RORB: variants seen among roughly 807,000 people sequenced by gnomAD.
The protein encoded by RORB is RAR related orphan receptor B, also known as nuclear receptor ROR-beta.
RORB carries 6 observed loss-of-function variants against 59.1 expected under a neutral mutation model. The ratio of observed to expected loss-of-function variants is 0.10; its 90% CI spans 0.06 to 0.20. The LOEUF (loss-of-function observed/expected upper bound fraction) is 0.20. Among genes scored for constraint, RORB ranks in the 10% least tolerant of loss-of-function variants. RORB has a pLI of 1.00. For missense variants in RORB, 320 were observed against 560.5 expected (o/e 0.57, Z 4.33); for synonymous variants, 215 against 204.5 (o/e 1.05, Z -0.44).
intron 1 of RORB, among the ~76,000 whole-genome samples, chr9:74,575,790 A>G (rs1374948130): frequency 6.6e-6 from 1 of 152,138 alleles, no homozygotes; most frequent in African/African-American, 2.4e-5. Flanking sequence ...GTCTCCTTAT[A>G]CAGTGGTACA....
intron 9 of RORB, among the ~76,000 whole-genome samples, chr9:74,681,511 C>T (rs1412588552): frequency 2.0e-5 from 3 of 152,198 alleles, no homozygotes; most frequent in East Asian, 3.9e-4. Flanking sequence ...TTTGCTGAAG[C>T]GATCTGAGTG....
intron 6 of RORB, among the ~76,000 whole-genome samples, chr9:74,663,065 C>T (rs1824215132): frequency 1.3e-5 from 2 of 152,188 alleles, no homozygotes; most frequent in Non-Finnish European, 2.9e-5. Flanking sequence ...TCTTTCCCTA[C>T]CCTTCCCTAA....
intron 1 of RORB, among the ~76,000 whole-genome samples, chr9:74,584,743 T>C (rs945655016): frequency 1.3e-5 from 2 of 152,148 alleles, no homozygotes; most frequent in African/African-American, 4.8e-5. Flanking sequence ...AATACATCAT[T>C]GGTAATGGAG....
chr9:74,624,623 G>T (rs977964992), intron 1 of RORB, among the ~76,000 whole-genome samples: 8 of 152,148 alleles, frequency 5.3e-5, no homozygotes, highest in Non-Finnish European at 1.2e-4. Context: ...CAGACCTTTG[G>T]CTTTGTTATT....
rs954397676 is a variant in RORB, at chr9:74,607,609, T to TAC, written c.8-22663_8-22662dup. 3.3e-5 allele frequency among the ~76,000 whole-genome samples: 5 copies of TAC among 151,580 alleles called. 1 individual carries two copies. The highest frequency in any genetic ancestry group is 2.1e-4 in the South Asian group (1 of 4,818). On this transcript the variant is annotated intron_variant, in intron 1 of 9. Transcript: ENST00000376896. ...CTATATATATATTTATTTATATATA[T>TAC]ACACACACACATAAGTGTATTCATA...
At chr9:74,658,631 T>C (rs1456065687) in intron 4 of RORB, among the ~76,000 whole-genome samples, 2 of 152,156 alleles carry the variant, frequency 1.3e-5, no homozygotes, top group Non-Finnish European at 2.9e-5. Flanking sequence ...AAGAAGATAA[T>C]AGTTTGAAAA....
intron 1 of RORB, among the ~76,000 whole-genome samples, chr9:74,571,177 A>C (rs1490833596): frequency 6.6e-6 from 1 of 152,066 alleles, no homozygotes; most frequent in African/African-American, 2.4e-5. Context: ...AAATTGGTTA[A>C]ATTACTATAA....
intron 1 of RORB, among the ~76,000 whole-genome samples, chr9:74,619,874 C>T (rs1049149007): frequency 5.3e-5 from 8 of 152,240 alleles, no homozygotes; most frequent in Admixed American, 4.6e-4. Context: ...ACCAGCCTTG[C>T]ATCCCAGGGA....
intron 1 of RORB, among the ~76,000 whole-genome samples, chr9:74,504,544 A>G (rs980279099): frequency 9.9e-5 from 15 of 152,194 alleles, no homozygotes; most frequent in Non-Finnish European, 1.9e-4. Context: ...TCTGGGTAGT[A>G]AATATTTTAT....
At chr9:74,597,965 A>AG (rs1271918942) in intron 1 of RORB, among the ~76,000 whole-genome samples, 10 of 152,276 alleles carry the variant, frequency 6.6e-5, no homozygotes, top group South Asian at 4.2e-4. Flanking sequence ...TCTCAAAAAA[A>AG]AAAAAATTAT....
chr9:74,536,614 G>T (rs776387560), intron 1 of RORB, among the ~76,000 whole-genome samples: 147 of 152,034 alleles, frequency 9.7e-4, no homozygotes, highest in Non-Finnish European at 1.7e-3. Flanking sequence ...CAAACCAATT[G>T]TTCACTCTGA....
intron 1 of RORB, among the ~76,000 whole-genome samples, chr9:74,536,122 G>A (rs939452596): frequency 2.6e-5 from 4 of 151,998 alleles, no homozygotes; most frequent in Non-Finnish European, 4.4e-5. Flanking sequence ...ATCAAGAAAA[G>A]ACAAGACTTT....
At chr9:74,661,636 CTTTTTTTTTTT>C (rs779927558) in intron 5 of RORB, among the ~76,000 whole-genome samples, 25 of 79,590 alleles carry the variant, frequency 3.1e-4, no homozygotes, top group African/African-American at 1.2e-3. Context: ...TTCTTTTTTC[CTTTTTTTTTTT>C]TTTTTTTTTT....
chr9:74,550,447 A>T (rs140782233), intron 1 of RORB, among the ~76,000 whole-genome samples: 2 of 152,216 alleles, frequency 1.3e-5, no homozygotes, highest in East Asian at 3.9e-4. Flanking sequence ...GGGTAACTGT[A>T]AGCTTTGAAA....
At chr9:74,611,826 T>C (rs1823236282) in intron 1 of RORB, among the ~76,000 whole-genome samples, 1 of 152,108 alleles carries the variant, frequency 6.6e-6, no homozygotes, top group Admixed American at 6.6e-5. Context: ...TTTTTTGTAT[T>C]TTTAGTAGAG....
intron 9 of RORB, 23 bp from the exon 10 acceptor site, chr9:74,685,440 C>T (rs1216621831): frequency 5.7e-6 from 9 of 1,584,544 alleles, no homozygotes; most frequent in Non-Finnish European, 7.8e-6. Context: ...CTCTATCTCC[C>T]TCTCTGTCTC....
intron 9 of RORB, 80 bp from the exon 10 acceptor site, chr9:74,685,383 C>A: frequency 2.6e-6 from 3 of 1,164,054 alleles, no homozygotes; most frequent in Non-Finnish European, 3.5e-6. Context: ...TCATCTGGGG[C>A]CAGAAAGGAC....
chr9:74,569,513 C>A (rs1822519914), intron 1 of RORB, among the ~76,000 whole-genome samples: 1 of 151,850 alleles, frequency 6.6e-6, no homozygotes, highest in African/African-American at 2.4e-5. Flanking sequence ...AAATATTTAC[C>A]TTGTATTTTT....
intron 1 of RORB, among the ~76,000 whole-genome samples, chr9:74,501,991 C>A (rs1314445934): frequency 6.6e-6 from 1 of 152,044 alleles, no homozygotes; most frequent in South Asian, 2.1e-4. Flanking sequence ...ATTAGAGAAT[C>A]CCTAAGAGAT....
Sources: allele counts gnomAD v4.1 joint callset (sites outside exome capture counted in the v4.1 genomes callset), GRCh38; gene constraint gnomAD v4.1.1; transcripts MANE v1.5; gene names NCBI Gene and HGNC (gene_info 2026-07-23, HGNC 2026-07-21).